RASA2: variants seen among roughly 807,000 people sequenced by gnomAD.
The protein encoded by RASA2 is RAS p21 protein activator 2, also known as ras GTPase-activating protein 2.
In RASA2, 155 loss-of-function variants were observed where a neutral mutation model predicts 118.2. That is an observed-to-expected ratio of 1.31 (90% CI 1.15 to 1.50). The LOEUF is 1.50. RASA2 is among the 40% of genes most tolerant of loss of function. The pLI, the probability that RASA2 is intolerant of heterozygous loss-of-function variation, is 0.00. For synonymous variants in RASA2, 353 were observed against 349.1 expected (o/e 1.01, Z -0.12); for missense variants, 1,016 against 1,009.6 (o/e 1.01, Z -0.09).
chr3:141,573,787 TTAAAC>T (rs2082962102), intron 13 of RASA2, among the ~76,000 whole-genome samples, 152 bp from the exon 14 acceptor site: 1 of 152,228 alleles, frequency 6.6e-6, no homozygotes, highest in East Asian at 1.9e-4. Flanking sequence ...TAAATTGTCC[TTAAAC>T]TGAATGAGTT....
intron 1 of RASA2, among the ~76,000 whole-genome samples, chr3:141,500,247 A>T: frequency 6.6e-6 from 1 of 152,032 alleles, no homozygotes; most frequent in East Asian, 1.9e-4. Flanking sequence ...TTGTTTCTTC[A>T]TACCCTGCAG....
intron 5 of RASA2, among the ~76,000 whole-genome samples, chr3:141,553,258 T>C (rs1264201131): frequency 6.6e-6 from 1 of 152,222 alleles, no homozygotes; most frequent in East Asian, 1.9e-4. Context: ...TTGTAGCTTC[T>C]CATTTAGGGT....
chr3:141,563,970 C>CTTT (rs539729864), intron 9 of RASA2, among the ~76,000 whole-genome samples: 1 of 126,866 alleles, frequency 7.9e-6, no homozygotes, highest in African/African-American at 2.9e-5. Context: ...GTTGTGAAGT[C>CTTT]TTTTTTTTTT....
intron 3 of RASA2, among the ~76,000 whole-genome samples, chr3:141,522,464 C>T (rs771313322): frequency 1.3e-5 from 2 of 152,082 alleles, no homozygotes; most frequent in South Asian, 2.1e-4. Flanking sequence ...ATGCCATAGG[C>T]GTGGGGCTGG....
intron 9 of RASA2, among the ~76,000 whole-genome samples, chr3:141,562,686 T>G (rs2082752819): frequency 6.6e-6 from 1 of 151,586 alleles, no homozygotes; most frequent in African/African-American, 2.4e-5. Context: ...TTAAACTTTT[T>G]TTTTTTATAC....
intron 1 of RASA2, among the ~76,000 whole-genome samples, chr3:141,505,037 G>C (rs1336428767): frequency 6.6e-6 from 1 of 152,102 alleles, no homozygotes; most frequent in Non-Finnish European, 1.5e-5. Context: ...GGCCTTCCCT[G>C]CTTCCCTATA....
At chr3:141,583,276 T>C (rs1431198348) in intron 17 of RASA2, among the ~76,000 whole-genome samples, 1 of 151,872 alleles carries the variant, frequency 6.6e-6, no homozygotes, top group Non-Finnish European at 1.5e-5. Context: ...ATACAAAAAA[T>C]TAGCCAGGCC....
rs113636880 is a variant in RASA2 at position 141,549,557 on chromosome 3, A to T, written c.528-4300A>T. ...GCACTCTCCAGTAGATTTTTCTGTGATGTGGAAAATGCTTTGTATCTTCAC... is the reference window on the plus strand; with the variant it reads ...GCACTCTCCAGTAGATTTTTCTGTGTTGTGGAAAATGCTTTGTATCTTCAC... On this transcript the variant is annotated intron_variant, in intron 5 of 23. Coordinates refer to ENST00000286364, the MANE Select transcript of RASA2 (RefSeq NM_006506.5). Among the ~76,000 whole-genome samples the T allele has an allele frequency of 6.3e-3, 958 of 151,566 alleles. 13 individuals are homozygous for T. Among genetic ancestry groups the T allele is most frequent in the African/African-American group, 0.022 (921 of 41,220 alleles).
chr3:141,595,127 A>G (rs188183138), intron 19 of RASA2, among the ~76,000 whole-genome samples: 5 of 152,272 alleles, frequency 3.3e-5, no homozygotes, highest in Admixed American at 6.5e-5. Context: ...ACTTGACATA[A>G]CTAATCCATC....
At chr3:141,536,043 TG>T (rs1560015490) in intron 4 of RASA2, among the ~76,000 whole-genome samples, 1 of 152,244 alleles carries the variant, frequency 6.6e-6, no homozygotes, top group African/African-American at 2.4e-5. Context: ...GTGAAATTTT[TG>T]TAAAATTAAT....
chr3:141,503,706 C>T (rs183023242), intron 1 of RASA2, among the ~76,000 whole-genome samples: 4 of 152,176 alleles, frequency 2.6e-5, no homozygotes, highest in Non-Finnish European at 4.4e-5. Flanking sequence ...TATTTGTTGT[C>T]GATCTCTCCA....
chr3:141,524,275 T>C (rs2082154009), intron 3 of RASA2, among the ~76,000 whole-genome samples: 1 of 152,106 alleles, frequency 6.6e-6, no homozygotes, highest in African/African-American at 2.4e-5. Flanking sequence ...TCCTGATTGG[T>C]TCTAAGAAGG....
In RASA2 at chr3:141,572,589, T is replaced by A; in HGVS notation, c.1170-20T>A. ...AAAACCTTTGTTTACTACATTTGGT[T>A]TCATCTATTTCTATTTCAGAGATGC... On this transcript the variant is annotated intron_variant, in intron 11 of 23. Coordinates refer to ENST00000286364, the MANE Select transcript of RASA2 (RefSeq NM_006506.5). 1 of 1,550,360 alleles carries A rather than the reference T, an allele frequency of 6.5e-7. No individual in the cohort carries two copies. Among genetic ancestry groups the A allele is most frequent in the Non-Finnish European group, 8.9e-7 (1 of 1,122,570 alleles).
intron 19 of RASA2, among the ~76,000 whole-genome samples, chr3:141,592,439 T>G (rs1464368441): frequency 6.6e-6 from 1 of 152,116 alleles, no homozygotes; most frequent in Non-Finnish European, 1.5e-5. Flanking sequence ...AGTGCTAGAT[T>G]TTATAGGACC....
intron 19 of RASA2, among the ~76,000 whole-genome samples, chr3:141,591,817 T>C (rs1214037634): frequency 6.6e-6 from 1 of 152,024 alleles, no homozygotes; most frequent in Non-Finnish European, 1.5e-5. Context: ...TAAACATAAA[T>C]GTTCAATACA....
intron 9 of RASA2, among the ~76,000 whole-genome samples, chr3:141,564,573 G>A (rs1342544286): frequency 6.6e-6 from 1 of 152,068 alleles, no homozygotes; most frequent in African/African-American, 2.4e-5. Context: ...CTGTTTCCTT[G>A]GCAAGACTGT....
chr3:141,490,499 C>T (rs570538516), intron 1 of RASA2, among the ~76,000 whole-genome samples: 1 of 152,082 alleles, frequency 6.6e-6, no homozygotes, highest in South Asian at 2.1e-4. Context: ...AAAAATGTTG[C>T]GGAGAGCACC....
Position 141,559,945 on chromosome 3 carries a change from G to C in RASA2, c.813G>C (p.Glu271Asp), listed in dbSNP as rs1160328152. The C allele has an allele frequency of 3.1e-6, 5 of 1,613,206 alleles. No homozygotes were observed. The highest frequency in any genetic ancestry group is 2.5e-6 in the Non-Finnish European group (3 of 1,179,462). ...GNLVQDVFLG[E>D]IKVPVNVLRT... is the part of the protein sequence containing the mutation. ...TAGTCCAAGATGTTTTCCTAGGTGA[G>C]ATTAAGGTTCCTGTGAACGTATTAA... Residue 271 changes from glutamate (E) to aspartate (D), a missense_variant, in exon 9 of 24, where the codon GAG becomes GAC. Glu to Asp is a conservative substitution (Grantham distance 45, BLOSUM62 2). Transcript: ENST00000286364.
chr3:141,559,357 A>T (rs1454654190), intron 8 of RASA2, among the ~76,000 whole-genome samples: 4 of 152,084 alleles, frequency 2.6e-5, no homozygotes, highest in African/African-American at 9.7e-5. Context: ...TGAGGTAAGA[A>T]GATAATTCAA....
Sources: allele counts gnomAD v4.1 joint callset (sites outside exome capture counted in the v4.1 genomes callset), GRCh38; gene constraint gnomAD v4.1.1; transcripts MANE v1.5; gene names NCBI Gene and HGNC (gene_info 2026-07-23, HGNC 2026-07-21).